XPNPEP1: variants seen among roughly 807,000 people sequenced by gnomAD.
XPNPEP1 encodes the protein xaa-Pro aminopeptidase 1.
XPNPEP1 carries 39 observed loss-of-function variants against 92.4 expected under a neutral mutation model. That is an observed-to-expected ratio of 0.42 (90% CI 0.33 to 0.55). The LOEUF is 0.55. Ranked by LOEUF, XPNPEP1 falls within the 20% of genes least tolerant of loss-of-function variation. The pLI is 0.08. For missense variants in XPNPEP1, 654 were observed against 856.1 expected (o/e 0.76, Z 2.95); for synonymous variants, 307 against 299.4 (o/e 1.03, Z -0.26).
intron 2 of XPNPEP1, among the ~76,000 whole-genome samples, chr10:109,912,991 C>T (rs764479221): frequency 2.0e-5 from 3 of 152,178 alleles, no homozygotes; most frequent in Non-Finnish European, 4.4e-5. Flanking sequence ...CATTCCACAT[C>T]CTATGACTTT....
chr10:109,888,404 GC>G (rs1564766348), intron 6 of XPNPEP1, 98 bp downstream of exon 6: 2 of 1,297,464 alleles, frequency 1.5e-6, no homozygotes, highest in Non-Finnish European at 2.1e-6. Context: ...GTCATGCTGA[GC>G]CCCCCAGTGC....
At chr10:109,891,458 T>C in intron 5 of XPNPEP1, 1 of 318,096 alleles carries the variant, frequency 3.1e-6, no homozygotes, top group Non-Finnish European at 5.7e-6. Context: ...TGCACAGCAA[T>C]GTGATCTGCA....
Position 109,865,108 on chromosome 10 carries a change from G to T in XPNPEP1, c.*76C>A. The T allele has an allele frequency of 6.3e-7, 1 of 1,593,412 alleles. No individual in the cohort carries two copies. On this transcript the variant is annotated 3_prime_UTR_variant, in exon 21 of 21. Coordinates refer to ENST00000502935, the MANE Select transcript of XPNPEP1 (RefSeq NM_020383.4). Reference sequence around the variant, plus strand: ...GGTAGGGAAGAAGGAAAGGAAAGGGGAAAGATGTCAGGGATCTGCCACGTT... The same window carrying T: ...GGTAGGGAAGAAGGAAAGGAAAGGGTAAAGATGTCAGGGATCTGCCACGTT...
Position 109,886,306 on chromosome 10 carries a change from A to G in XPNPEP1, c.688T>C (p.Leu230=), listed in dbSNP as rs1466510622. ...ATGACGTTCCTCTCAGCCATTTTCAACCGAAGGTCTGCAACCTTGTCCTTC... is the reference window on the plus strand; with the variant it reads ...ATGACGTTCCTCTCAGCCATTTTCAGCCGAAGGTCTGCAACCTTGTCCTTC... The part of the protein sequence containing the change: ...SWKDKVADLR[L]KMAERNVMWF... The change falls in exon 8 of 21, where the codon TTG becomes CTG. Residue 230 remains leucine, a synonymous_variant. Coordinates refer to ENST00000502935, the MANE Select transcript of XPNPEP1 (RefSeq NM_020383.4). 1 of 1,614,188 alleles carries G rather than the reference A, an allele frequency of 6.2e-7. No homozygotes were observed. The highest frequency in any genetic ancestry group is 2.2e-5 in the East Asian group (1 of 44,882).
At chr10:109,900,071 C>G (rs889689750) in intron 3 of XPNPEP1, among the ~76,000 whole-genome samples, 3 of 152,192 alleles carry the variant, frequency 2.0e-5, no homozygotes, top group Non-Finnish European at 4.4e-5. Context: ...AGAAGAAACC[C>G]TTAGAGTTGC....
At chr10:109,884,173 T>A in intron 8 of XPNPEP1, 25 bp from the exon 9 acceptor site, 2 of 1,610,630 alleles carry the variant, frequency 1.2e-6, no homozygotes, top group Non-Finnish European at 1.7e-6. Context: ...AAAATCCCTG[T>A]CACCTGTCTG....
chr10:109,915,048 G>C lies in XPNPEP1; in HGVS notation c.84C>G (p.Asn28Lys), dbSNP rs713545. ...QLRNLRIIEPNEVTHSGDTGV... is the reference protein window; with the variant it reads ...QLRNLRIIEPKEVTHSGDTGV... ...CTGTGTCTCCTGAGTGTGTCACCTCGTTAGGTTCAATTATTCTTAAATTTC... is the reference window on the plus strand; with the variant it reads ...CTGTGTCTCCTGAGTGTGTCACCTCCTTAGGTTCAATTATTCTTAAATTTC... Residue 28 changes from asparagine (N) to lysine (K), a missense_variant, in exon 2 of 21, where the codon AAC becomes AAG. Physicochemically the swap from Asn to Lys is moderately conservative, Grantham distance 94. Coordinates refer to ENST00000502935, the MANE Select transcript of XPNPEP1 (RefSeq NM_020383.4). 1.8e-3 allele frequency: 2,808 copies of C among 1,530,316 alleles called. 47 individuals carry two copies. In the African/African-American group the frequency reaches 0.032, roughly 18 times the overall value. The allele number at this position is 1,530,316 out of a possible 1,614,324, so 94.8% of individuals were successfully genotyped here. A position where few individuals can be genotyped will look rare whatever the true frequency, so the allele number is the denominator to read the frequency against.
intron 11 of XPNPEP1, 48 bp from the exon 12 acceptor site, chr10:109,880,286 T>C (rs1848017840): frequency 6.2e-7 from 1 of 1,600,696 alleles, no homozygotes; most frequent in Non-Finnish European, 8.5e-7. Context: ...GAAAATCACG[T>C]GACCAGATTC....
intron 1 of XPNPEP1, among the ~76,000 whole-genome samples, chr10:109,918,631 G>T (rs1003685292): frequency 1.3e-5 from 2 of 151,712 alleles, no homozygotes; most frequent in African/African-American, 4.8e-5. Context: ...CATGGTGGCG[G>T]GCGCATGTAG....
At chr10:109,883,034 T>A (rs189342120) in intron 9 of XPNPEP1, among the ~76,000 whole-genome samples, 1 of 152,340 alleles carries the variant, frequency 6.6e-6, no homozygotes, top group African/African-American at 2.4e-5. Flanking sequence ...CATCTACCGA[T>A]GTTTCAGTCA....
intron 1 of XPNPEP1, among the ~76,000 whole-genome samples, chr10:109,922,493 G>A (rs1259278800): frequency 6.6e-6 from 1 of 152,156 alleles, no homozygotes; most frequent in African/African-American, 2.4e-5. Flanking sequence ...TTAACAAGCT[G>A]TGGCAACGGC....
At chr10:109,872,625 C>A (rs753018915) in intron 16 of XPNPEP1, among the ~76,000 whole-genome samples, 1 of 152,236 alleles carries the variant, frequency 6.6e-6, no homozygotes, top group East Asian at 1.9e-4. Flanking sequence ...ACCTGCCCCA[C>A]TACATTGCAT....
chr10:109,889,962 C>T (rs1848608721), intron 5 of XPNPEP1, among the ~76,000 whole-genome samples: 1 of 152,156 alleles, frequency 6.6e-6, no homozygotes, highest in African/African-American at 2.4e-5. Flanking sequence ...CTTATTAATA[C>T]AGTTTCTCCT....
At chr10:109,886,180 C>G (rs1848376648) in intron 8 of XPNPEP1, 66 bp downstream of exon 8, 2 of 1,527,560 alleles carry the variant, frequency 1.3e-6, no homozygotes, top group East Asian at 4.6e-5. Context: ...CATGAACACA[C>G]AGATACCCAG....
At position 109,907,635 on chromosome 10, in the gene XPNPEP1, T is replaced by A. The variant is rs930107893; in HGVS notation, c.246+56A>T. ...TGACAATTAGAATCCTACAAACACA[T>A]TAGGGCTGGGGAAAAAAGACTGAAA... On this transcript the variant is annotated intron_variant, in intron 3 of 20. Transcript: ENST00000502935. 3 of 1,610,242 alleles carry A rather than the reference T, an allele frequency of 1.9e-6. No individual in the cohort carries two copies. The African/African-American group carries it at 4.0e-5, about 22-fold the overall frequency.
rs1288789531 is a variant in XPNPEP1 at position 109,871,169 on chromosome 10, T to C, written c.1523-265A>G. The C allele has an allele frequency of 3.8e-5, 13 of 341,858 alleles. No individual in the cohort carries two copies. In the South Asian group the frequency reaches 4.5e-4, roughly 12 times the overall value. 21.2% of individuals were successfully genotyped at this position (341,858 alleles called of 1,614,324 possible). Reference sequence around the variant, plus strand: ...CAGCACACAGAGGCCGTATCAGACATGGACGTTCCCTTGCCAGCTCTGCGA... The same window carrying C: ...CAGCACACAGAGGCCGTATCAGACACGGACGTTCCCTTGCCAGCTCTGCGA... On this transcript the variant is annotated intron_variant, in intron 17 of 20. Transcript: ENST00000502935.
rs12262344 is a variant in XPNPEP1, at chr10:109,894,402, G to A, written c.247-1327C>T. 8.3e-3 allele frequency among the ~76,000 whole-genome samples: 1,254 copies of A among 151,818 alleles called. 23 individuals are homozygous for A. Among genetic ancestry groups the A allele is most frequent in the African/African-American group, 0.028 (1,171 of 41,360 alleles). ...AATAATTAGCCAGGCATGGTGGCAC[G>A]TGCCTGTAGTCCCAGCTATTTAGGA... On this transcript the variant is annotated intron_variant, in intron 3 of 20. Coordinates refer to ENST00000502935, the MANE Select transcript of XPNPEP1 (RefSeq NM_020383.4).
At chr10:109,902,866 T>C (rs938055157) in intron 3 of XPNPEP1, among the ~76,000 whole-genome samples, 7 of 152,138 alleles carry the variant, frequency 4.6e-5, no homozygotes, top group African/African-American at 9.7e-5. Flanking sequence ...GCAGGATCAT[T>C]AGTAGGAGAT....
intron 2 of XPNPEP1, among the ~76,000 whole-genome samples, chr10:109,911,870 G>T (rs529610642): frequency 6.6e-6 from 1 of 152,262 alleles, no homozygotes; most frequent in African/African-American, 2.4e-5. Flanking sequence ...CTGACGTAAG[G>T]ATTTTGGTGG....
Sources: allele counts gnomAD v4.1 joint callset (sites outside exome capture counted in the v4.1 genomes callset), GRCh38; gene constraint gnomAD v4.1.1; transcripts MANE v1.5; gene names NCBI Gene and HGNC (gene_info 2026-07-23, HGNC 2026-07-21).